Variants in FNDC3A observed in about 807,000 individuals in gnomAD.
FNDC3A encodes the protein fibronectin type III domain containing 3A, also known as fibronectin type-III domain-containing protein 3A.
A neutral mutation model predicts 148.9 loss-of-function variants in FNDC3A; 32 were observed. The ratio of observed to expected loss-of-function variants is 0.21; its 90% confidence interval spans 0.16 to 0.29. The LOEUF (loss-of-function observed/expected upper bound fraction) is 0.29, where lower values mean the gene tolerates loss of function less well. Among genes scored for constraint, FNDC3A ranks in the 10% least tolerant of loss-of-function variants. The pLI is 1.00. For synonymous variants in FNDC3A, 472 were observed against 473.6 expected (o/e 1.00, Z 0.04); for missense variants, 1,191 against 1,452.8 (o/e 0.82, Z 2.93).
chr13:48,994,524 A>G (rs1210947838), intron 1 of FNDC3A, among the ~76,000 whole-genome samples: 1 of 152,214 alleles, frequency 6.6e-6, no homozygotes, highest in African/African-American at 2.4e-5. Flanking sequence ...CACGCCTGTA[A>G]TGCCTGCACT....
chr13:49,084,187 A>G lies in FNDC3A; in HGVS notation c.175+8823A>G, dbSNP rs1878660770. ...GGGCAGGAACAATAATGCCGTCTTTATTTTGGTACAAAAACCCTACTTAAC... is the reference window on the plus strand; with the variant it reads ...GGGCAGGAACAATAATGCCGTCTTTGTTTTGGTACAAAAACCCTACTTAAC... On this transcript the variant is annotated intron_variant, in intron 3 of 25. Coordinates refer to ENST00000492622, the MANE Select transcript of FNDC3A (RefSeq NM_001079673.2). 2.0e-5 allele frequency among the ~76,000 whole-genome samples: 3 copies of G among 152,334 alleles called. No individual in the cohort carries two copies. The South Asian group carries it at 6.2e-4, about 32-fold the overall frequency.
chr13:49,198,819 C>T (rs972580657), intron 23 of FNDC3A, among the ~76,000 whole-genome samples: 1 of 152,118 alleles, frequency 6.6e-6, no homozygotes, highest in African/African-American at 2.4e-5. Flanking sequence ...TCAAGATTGT[C>T]ATACAAAAGT....
intron 2 of FNDC3A, among the ~76,000 whole-genome samples, chr13:49,023,721 A>G (rs959595517): frequency 2.6e-5 from 4 of 151,966 alleles, no homozygotes; most frequent in Non-Finnish European, 5.9e-5. Flanking sequence ...GCAAGGAGGA[A>G]ATAAAGAATG....
chr13:49,187,741 C>A, intron 16 of FNDC3A: 1 of 902,444 alleles, frequency 1.1e-6, no homozygotes, highest in Non-Finnish European at 1.7e-6. Flanking sequence ...TCACCAAGAC[C>A]TTTTTTTTTT....
intron 2 of FNDC3A, among the ~76,000 whole-genome samples, chr13:49,035,047 T>A (rs1371394209): frequency 6.6e-6 from 1 of 152,104 alleles, no homozygotes; most frequent in African/African-American, 2.4e-5. Context: ...GAATTGATGC[T>A]GATATTCTAA....
intron 2 of FNDC3A, among the ~76,000 whole-genome samples, chr13:49,016,907 C>T (rs879670239): frequency 0.014 from 2,112 of 150,336 alleles, 42 homozygotes; most frequent in East Asian, 0.081. Context: ...TGTAGTTGAG[C>T]GGTTTTGAGT....
intron 1 of FNDC3A, among the ~76,000 whole-genome samples, chr13:48,992,327 A>T (rs1241739132): frequency 6.6e-6 from 1 of 152,212 alleles, no homozygotes; most frequent in Non-Finnish European, 1.5e-5. Flanking sequence ...AAAACTTCAA[A>T]AGACATTGGT....
intron 2 of FNDC3A, among the ~76,000 whole-genome samples, chr13:49,037,569 C>T (rs181638514): frequency 5.3e-5 from 8 of 152,144 alleles, no homozygotes; most frequent in African/African-American, 1.9e-4. Flanking sequence ...ATGTCCACCC[C>T]CTACCCCCTG....
At chr13:49,148,019 T>C (rs1225921934) in intron 8 of FNDC3A, among the ~76,000 whole-genome samples, 2 of 152,084 alleles carry the variant, frequency 1.3e-5, no homozygotes, top group Non-Finnish European at 2.9e-5. Flanking sequence ...GCCATTTGTA[T>C]GTCTTTGGAG....
rs1359641421 is a variant in FNDC3A, at chr13:49,208,930, T to C, written c.*1535T>C. 1 of 152,660 alleles carries C rather than the reference T, an allele frequency of 6.6e-6. No homozygotes were observed. Among genetic ancestry groups the C allele is most frequent in the Non-Finnish European group, 1.5e-5 (1 of 68,038 alleles). 9.5% of individuals were successfully genotyped at this position (152,660 alleles called of 1,614,324 possible). ...AATTTCTTTTATAATAGAATGGGCA[T>C]GTATTGTAACAGTTTTATGTCAAAT... On this transcript the variant is annotated 3_prime_UTR_variant, in exon 26 of 26. Coordinates refer to ENST00000492622, the MANE Select transcript of FNDC3A (RefSeq NM_001079673.2).
chr13:49,063,774 A>G (rs896160172), intron 2 of FNDC3A, among the ~76,000 whole-genome samples: 12 of 152,212 alleles, frequency 7.9e-5, no homozygotes, highest in South Asian at 2.1e-4. Context: ...CATGCCTCAC[A>G]TAGCTCAGAC....
At position 49,168,635 on chromosome 13, in the gene FNDC3A, A is replaced by AT; in HGVS notation, c.1061dup (p.Thr357AsnfsTer6). The AT allele has an allele frequency of 6.2e-7, 1 of 1,610,474 alleles. No homozygotes were observed. The highest frequency in any genetic ancestry group is 8.5e-7 in the Non-Finnish European group (1 of 1,176,750). The stretch of plus-strand genomic sequence containing the variant: ...TAGAGTCCAGGCAGAATATAATTCT[A>AT]TAAAGGGAACTCCTTCAGAGGCTGA... On this transcript the variant is annotated frameshift_variant, in exon 10 of 26. Coordinates refer to ENST00000492622, the MANE Select transcript of FNDC3A (RefSeq NM_001079673.2). LOFTEE classifies it high-confidence loss of function.
intron 19 of FNDC3A, among the ~76,000 whole-genome samples, chr13:49,196,434 T>C (rs527321395): frequency 6.6e-6 from 1 of 152,298 alleles, no homozygotes; most frequent in East Asian, 1.9e-4. Context: ...TAAACAAATT[T>C]ATAGAACAGA....
chr13:49,185,725 T>G (rs532153133), intron 14 of FNDC3A, among the ~76,000 whole-genome samples: 38 of 152,302 alleles, frequency 2.5e-4, no homozygotes, highest in Middle Eastern at 3.4e-3. Context: ...ATCAAAATAT[T>G]AGGTTTTACA....
intron 10 of FNDC3A, among the ~76,000 whole-genome samples, chr13:49,170,633 G>C (rs531193168): frequency 4.6e-5 from 7 of 152,290 alleles, no homozygotes; most frequent in African/African-American, 7.2e-5. Flanking sequence ...AACAAATTCA[G>C]TTCTGCTCTA....
intron 3 of FNDC3A, among the ~76,000 whole-genome samples, chr13:49,113,028 TTCCCCTCCCCACCTCTTCTGTCCTTTCCC>T (rs1467602808): frequency 6.6e-6 from 1 of 151,442 alleles, no homozygotes; most frequent in Non-Finnish European, 1.5e-5. Flanking sequence ...CTACTTTCTC[TTCCCCTCCCCACCTCTTCTGTCCTTTCCC>T]TCCCCTCCCC....
rs1194390716 is a variant in FNDC3A at position 49,198,571 on chromosome 13, G to C, written c.2984G>C (p.Gly995Ala). The C allele has an allele frequency of 6.2e-7, 1 of 1,610,708 alleles. No homozygotes were observed. The highest frequency in any genetic ancestry group is 1.7e-5 in the Admixed American group (1 of 59,982). Residue 995 changes from glycine (G) to alanine (A), a missense_variant, in exon 23 of 26, where the codon GGA becomes GCA. Transcript: ENST00000492622. ...CACCTTCAGATGGAGGATAAGAATG[G>C]ACGGTAGGTTTTTTTAATTGCTTCT... ...QYHLQMEDKN[G>A]RFVSLYRGPC...
In FNDC3A at chr13:49,148,673, C is replaced by T. The variant is rs996144677; in HGVS notation, c.977+2738C>T. On this transcript the variant is annotated intron_variant, in intron 8 of 25. Transcript: ENST00000492622. ...GCTTTGTTCTTTTTACTTAGGATTG[C>T]GTTGGCTATTCAGGCTATTTTTTGG... Among the ~76,000 whole-genome samples, 16 of 152,172 alleles carry T rather than the reference C, an allele frequency of 1.1e-4. No homozygotes were observed. The South Asian group carries it at 1.2e-3, about 12-fold the overall frequency.
intron 2 of FNDC3A, among the ~76,000 whole-genome samples, chr13:49,049,017 A>G (rs1395134013): frequency 6.6e-6 from 1 of 152,174 alleles, no homozygotes; most frequent in Admixed American, 6.5e-5. Flanking sequence ...TGTCTTAATC[A>G]TAAAGGGGTG....
Sources: gnomAD v4.1 joint callset for allele counts (sites outside exome capture counted in the v4.1 genomes callset) on GRCh38, gnomAD v4.1.1 for gene constraint, MANE v1.5 for transcripts, NCBI Gene and HGNC (gene_info 2026-07-23, HGNC 2026-07-21) for gene names.